CPEB4: variants seen among roughly 807,000 people sequenced by gnomAD.
CPEB4 encodes the protein cytoplasmic polyadenylation element-binding protein 4.
In CPEB4, 12 loss-of-function variants were observed where a neutral mutation model predicts 72.5. The ratio of observed to expected loss-of-function variants is 0.17; its 90% CI spans 0.11 to 0.27. The LOEUF is 0.27. CPEB4 is among the 10% of genes least tolerant of loss of function. The pLI, the probability that CPEB4 is intolerant of heterozygous loss-of-function variation, is 1.00. For synonymous variants in CPEB4, 302 were observed against 326.3 expected (o/e 0.93, Z 0.80); for missense variants, 614 against 908.5 (o/e 0.68, Z 4.17).
chr5:173,900,294 A>C lies in CPEB4; in HGVS notation c.1125+9436A>C, dbSNP rs2113143217. Among the ~76,000 whole-genome samples the C allele has an allele frequency of 6.6e-6, 1 of 152,192 alleles. No individual in the cohort carries two copies. The highest frequency in any genetic ancestry group is 1.5e-5 in the Non-Finnish European group (1 of 68,008). On this transcript the variant is annotated intron_variant, in intron 1 of 9. Coordinates refer to ENST00000265085, the MANE Select transcript of CPEB4 (RefSeq NM_030627.4). The surrounding 1 kb of genome is among the most constrained non-coding windows in gnomAD (Gnocchi z 4.4). Reference sequence around the variant, plus strand: ...GTGGCGGGCGCCTGTAGTCCCAGCTATTCTGGAGGCTGAGGCAGAATAATC... The same window carrying C: ...GTGGCGGGCGCCTGTAGTCCCAGCTCTTCTGGAGGCTGAGGCAGAATAATC...
Position 173,960,506 on chromosome 5 carries a change from T to C in CPEB4, c.*4369T>C, listed in dbSNP as rs72812861. Reference sequence around the variant, plus strand: ...GCCTATAAGCGTCGGTGGGTGGTTGTGTCTTTGGCCTGTACTGTTAGTTCA... The same window carrying C: ...GCCTATAAGCGTCGGTGGGTGGTTGCGTCTTTGGCCTGTACTGTTAGTTCA... On this transcript the variant is annotated 3_prime_UTR_variant, in exon 10 of 10. Coordinates refer to ENST00000265085, the MANE Select transcript of CPEB4 (RefSeq NM_030627.4). The C allele has an allele frequency of 0.22, 33,771 of 152,256 alleles. 4,950 individuals are homozygous for C. Among genetic ancestry groups the C allele is most frequent in the Non-Finnish European group, 0.3 (20,740 of 68,016 alleles). The allele number at this position is 152,256 out of a possible 1,614,324, so 9.4% of individuals were successfully genotyped here. A position where few individuals can be genotyped will look rare whatever the true frequency, so the allele number is the denominator to read the frequency against.
rs917685942 is a variant in CPEB4, at chr5:173,959,501, G to A, written c.*3364G>A. On this transcript the variant is annotated 3_prime_UTR_variant, in exon 10 of 10. Transcript: ENST00000265085. ...AAAAGGTGATTTAAAACTTGAATGTGATGAATTGTGGCAAGTTAACTTCAA... is the reference window on the plus strand; with the variant it reads ...AAAAGGTGATTTAAAACTTGAATGTAATGAATTGTGGCAAGTTAACTTCAA... 4 of 152,742 alleles carry A rather than the reference G, an allele frequency of 2.6e-5. No homozygotes were observed. The highest frequency in any genetic ancestry group is 9.6e-5 in the African/African-American group (4 of 41,452). 9.5% of individuals were successfully genotyped at this position (152,742 alleles called of 1,614,324 possible).
chr5:173,952,515 C>T (rs1043014539), intron 8 of CPEB4, among the ~76,000 whole-genome samples: 8 of 152,044 alleles, frequency 5.3e-5, no homozygotes, highest in East Asian at 1.9e-4. Flanking sequence ...AAAGACATAA[C>T]ATGAACAGGA....
chr5:173,904,980 TAATA>T (rs1246183880), intron 1 of CPEB4, among the ~76,000 whole-genome samples: 1 of 84,264 alleles, frequency 1.2e-5, no homozygotes, highest in African/African-American at 4.2e-5. Flanking sequence ...CAGATAATAA[TAATA>T]ATAATAATAA....
rs1167002213 is a variant in CPEB4 at position 173,958,248 on chromosome 5, A to G, written c.*2111A>G. 6.5e-6 allele frequency: 1 copy of G among 152,754 alleles called. No individual in the cohort carries two copies. The highest frequency in any genetic ancestry group is 6.5e-5 in the Admixed American group (1 of 15,274). 9.5% of individuals were successfully genotyped at this position (152,754 alleles called of 1,614,324 possible). A position where few individuals can be genotyped will look rare whatever the true frequency, so the allele number is the denominator to read the frequency against. ...GTTTTTGTAGCTAACTTATTTTGTCATGCACATAATGTATATTTGTTATGC... is the reference window on the plus strand; with the variant it reads ...GTTTTTGTAGCTAACTTATTTTGTCGTGCACATAATGTATATTTGTTATGC... On this transcript the variant is annotated 3_prime_UTR_variant, in exon 10 of 10. Transcript: ENST00000265085.
chr5:173,932,693 A>G (rs1757489355), intron 3 of CPEB4, among the ~76,000 whole-genome samples, 193 bp downstream of exon 3: 2 of 152,318 alleles, frequency 1.3e-5, no homozygotes, highest in South Asian at 2.1e-4. Flanking sequence ...ATGAGGGCCA[A>G]CTGATTCCCT....
At chr5:173,947,133 A>T (rs558675319) in intron 5 of CPEB4, among the ~76,000 whole-genome samples, 11 of 151,750 alleles carry the variant, frequency 7.2e-5, no homozygotes, top group Non-Finnish European at 1.3e-4. Context: ...CTGCCCTATT[A>T]TCAGGTCTTA....
chr5:173,947,377 A>AG (rs1027597466), intron 5 of CPEB4, among the ~76,000 whole-genome samples: 30 of 152,058 alleles, frequency 2.0e-4, no homozygotes, highest in African/African-American at 7.0e-4. Context: ...TCTCAAGTGG[A>AG]GGGGATGTGT....
rs896355140 is a variant in CPEB4 at position 173,958,690 on chromosome 5, T to G, written c.*2553T>G. ...AAATGACAGATAACACTGTAGTTCC[T>G]AAAAAAAAAATTAAATGCATAAGCA... On this transcript the variant is annotated 3_prime_UTR_variant, in exon 10 of 10. Transcript: ENST00000265085. The G allele has an allele frequency of 1.3e-5, 2 of 150,238 alleles. No homozygotes were observed. Among genetic ancestry groups the G allele is most frequent in the Non-Finnish European group, 3.0e-5 (2 of 67,358 alleles). 9.3% of individuals were successfully genotyped at this position (150,238 alleles called of 1,614,324 possible).
At position 173,888,657 on chromosome 5, in the gene CPEB4, T is replaced by C. The variant is rs182764020; in HGVS notation, c.-1077T>C. 312 of 400,426 alleles carry C rather than the reference T, an allele frequency of 7.8e-4. 2 individuals carry two copies. The highest frequency in any genetic ancestry group is 6.1e-3 in the East Asian group (172 of 28,214). 24.8% of individuals were successfully genotyped at this position (400,426 alleles called of 1,614,324 possible). On this transcript the variant is annotated 5_prime_UTR_variant, in exon 1 of 10. Transcript: ENST00000265085. The surrounding 1 kb of genome is among the most constrained non-coding windows in gnomAD (Gnocchi z 4.3). ...GCCGAGGGGGGAGGCCCTTCTCCTT[T>C]AAAATAACTACGGTAGTGGGTTTTT...
intron 1 of CPEB4, among the ~76,000 whole-genome samples, chr5:173,907,615 T>A (rs1489036126): frequency 6.6e-6 from 1 of 152,230 alleles, no homozygotes; most frequent in Non-Finnish European, 1.5e-5. Flanking sequence ...GCAGAGAATA[T>A]TTTAAATGTT....
At position 173,950,043 on chromosome 5, in the gene CPEB4, C is replaced by T; in HGVS notation, c.1630C>T (p.Leu544Phe). 1 of 1,610,360 alleles carries T rather than the reference C, an allele frequency of 6.2e-7. No individual in the cohort carries two copies. Among genetic ancestry groups the T allele is most frequent in the South Asian group, 1.1e-5 (1 of 90,586 alleles). ...ACIEEDGKLY[L>F]CVSSPTIKDK... Reference sequence around the variant, plus strand: ...CATTGAAGAAGATGGAAAACTCTACCTTTGTGTATCAAGTCCCACTATCAA... The same window carrying T: ...CATTGAAGAAGATGGAAAACTCTACTTTTGTGTATCAAGTCCCACTATCAA... Residue 544 changes from leucine (L) to phenylalanine (F), a missense_variant, in exon 7 of 10, where the codon CTT becomes TTT. Transcript: ENST00000265085. The surrounding 1 kb of genome is among the most constrained non-coding windows in gnomAD (Gnocchi z 5.0).
intron 3 of CPEB4, 77 bp from the exon 4 acceptor site, chr5:173,942,949 C>T: frequency 7.1e-7 from 1 of 1,406,514 alleles, no homozygotes; most frequent in Non-Finnish European, 9.8e-7. Flanking sequence ...TAGATGAAAT[C>T]ACAGTTGATT....
rs1384456623 is a variant in CPEB4 at position 173,906,639 on chromosome 5, T to A, written c.1126-3884T>A. Among the ~76,000 whole-genome samples the A allele has an allele frequency of 2.6e-5, 4 of 152,210 alleles. No homozygotes were observed. The East Asian group carries it at 7.7e-4, about 29-fold the overall frequency. On this transcript the variant is annotated intron_variant, in intron 1 of 9. Coordinates refer to ENST00000265085, the MANE Select transcript of CPEB4 (RefSeq NM_030627.4). ...TCCCTGTAGAGCCTGAGAATCCTTC[T>A]CAAAACACCTTGCATCTAATAGTAC...
In CPEB4 at chr5:173,890,068, A is replaced by C. The variant is rs746565740; in HGVS notation, c.335A>C (p.Lys112Thr). 58 of 1,614,030 alleles carry C rather than the reference A, an allele frequency of 3.6e-5. No individual in the cohort carries two copies. The highest frequency in any genetic ancestry group is 4.7e-5 in the Non-Finnish European group (56 of 1,180,026). ...QEAGILPETE[K>T]AKSEENQGDN... ...GCTGGAATACTGCCTGAAACAGAGA[A>C]GGCAAAATCAGAAGAAAATCAAGGG... The change falls in exon 1 of 10, where the codon AAG (lysine) becomes ACG (threonine). Residue 112 changes from lysine (K) to threonine (T), a missense_variant. Transcript: ENST00000265085.
intron 4 of CPEB4, among the ~76,000 whole-genome samples, chr5:173,944,352 G>A (rs1329418679): frequency 1.3e-5 from 2 of 151,912 alleles, no homozygotes; most frequent in Admixed American, 6.6e-5. Flanking sequence ...GCATGTGTCT[G>A]TAGCCCCAGC....
intron 1 of CPEB4, among the ~76,000 whole-genome samples, chr5:173,901,543 C>A (rs188453073): frequency 3.3e-4 from 51 of 152,252 alleles, no homozygotes; most frequent in Non-Finnish European, 6.0e-4. Flanking sequence ...GGATTTCATA[C>A]CTGGCAGGTA....
At position 173,890,342 on chromosome 5, in the gene CPEB4, T is replaced by C. The variant is rs1355292572; in HGVS notation, c.609T>C (p.Gly203=). Residue 203 remains glycine, a synonymous_variant, in exon 1 of 10, where the codon GGT becomes GGC. Transcript: ENST00000265085. ...TCCCTGCTGCTTCGGCTAATAACGG[T>C]GCTCTGTTGTTTCAAAATTTCCCCC... ...GGVPAASANN[G]ALLFQNFPHH... 1 of 1,614,174 alleles carries C rather than the reference T, an allele frequency of 6.2e-7. No individual in the cohort carries two copies. Among genetic ancestry groups the C allele is most frequent in the Admixed American group, 1.7e-5 (1 of 60,022 alleles).
At chr5:173,897,987 C>A (rs1292931128) in intron 1 of CPEB4, among the ~76,000 whole-genome samples, 2 of 152,066 alleles carry the variant, frequency 1.3e-5, no homozygotes, top group African/African-American at 4.8e-5. Context: ...CATCAGCTAC[C>A]TATAGGTGCT....
Sources: gnomAD v4.1 joint callset for allele counts (sites outside exome capture counted in the v4.1 genomes callset) on GRCh38, gnomAD v4.1.1 for gene constraint, Gnocchi (gnomAD v3.1) non-coding constraint, MANE v1.5 for transcripts, NCBI Gene and HGNC (gene_info 2026-07-23, HGNC 2026-07-21) for gene names.